Variants in CYRIA observed in about 807,000 individuals in gnomAD.
CYRIA encodes the protein CYFIP related Rac1 interactor A.
Under a neutral mutation model 43.9 loss-of-function variants are expected in CYRIA, and 15 were observed. The ratio of observed to expected loss-of-function variants is 0.34; its 90% confidence interval spans 0.23 to 0.53. The LOEUF is 0.53. CYRIA is among the 20% of genes least tolerant of loss of function. The probability of loss-of-function intolerance (pLI) is 0.94; values close to 1 mark genes in which losing one functional copy is unlikely to be tolerated. For synonymous variants in CYRIA, 117 were observed against 136.0 expected, an observed-to-expected ratio of 0.86 and a Z score of 0.97; for missense variants, 236 against 394.2, an observed-to-expected ratio of 0.60 and a Z score of 3.40.
intron 3 of CYRIA, among the ~76,000 whole-genome samples, chr2:16,584,955 C>A (rs1667673818): frequency 6.6e-6 from 1 of 152,114 alleles, no homozygotes; most frequent in Non-Finnish European, 1.5e-5. Flanking sequence ...TCTTGTAAGT[C>A]CTTTATTTAT....
chr2:16,659,842 T>A (rs908991753), intron 1 of CYRIA, among the ~76,000 whole-genome samples: 8 of 152,314 alleles, frequency 5.3e-5, no homozygotes, highest in Admixed American at 4.6e-4. Context: ...GAAGAGCACA[T>A]TGCAGTAACC....
chr2:16,586,989 T>C (rs1667750192), intron 3 of CYRIA, among the ~76,000 whole-genome samples: 1 of 152,116 alleles, frequency 6.6e-6, no homozygotes, highest in Admixed American at 6.6e-5. Context: ...TCATTCTCAT[T>C]TGTCAATATA....
chr2:16,645,602 G>C (rs1432993757), intron 1 of CYRIA, among the ~76,000 whole-genome samples: 1 of 152,188 alleles, frequency 6.6e-6, no homozygotes, highest in Non-Finnish European at 1.5e-5. Flanking sequence ...AAGGAGATGG[G>C]ATATTTCTAC....
At chr2:16,599,975 C>T (rs1668144303) in intron 2 of CYRIA, among the ~76,000 whole-genome samples, 1 of 152,170 alleles carries the variant, frequency 6.6e-6, no homozygotes, top group Non-Finnish European at 1.5e-5. Context: ...AGGATAGTCT[C>T]GAACTCCTGA....
intron 1 of CYRIA, among the ~76,000 whole-genome samples, chr2:16,626,431 C>T (rs147866505): frequency 4.4e-4 from 67 of 152,250 alleles, no homozygotes; most frequent in Middle Eastern, 6.8e-3. Flanking sequence ...AACACGGACC[C>T]CCACTCAGCT....
rs367622336 is a variant in CYRIA, at chr2:16,629,338, C to T, written c.-166-5319G>A. 4.6e-5 allele frequency among the ~76,000 whole-genome samples: 7 copies of T among 152,232 alleles called. No individual in the cohort carries two copies. The East Asian group carries it at 1.2e-3, about 25-fold the overall frequency. On this transcript the variant is annotated intron_variant, in intron 1 of 11. Coordinates refer to ENST00000381323, the MANE Select transcript of CYRIA (RefSeq NM_030797.4). ...GTGGGGAAGGAGGTGGTGTTTAAAG[C>T]TCGTTTTTGTTTTACTCTTTCCCTA...
chr2:16,582,968 A>G lies in CYRIA; in HGVS notation c.70+5082T>C, dbSNP rs778964808. Among the ~76,000 whole-genome samples the G allele has an allele frequency of 5.5e-4, 84 of 152,176 alleles. 3 individuals are homozygous for G. The highest frequency in any genetic ancestry group is 4.6e-4 in the Admixed American group (7 of 15,278). On this transcript the variant is annotated intron_variant, in intron 3 of 11. Transcript: ENST00000381323. ...TTCCAAAGCAGATGTACTATTTTAC[A>G]TTCCTACCAGTGGTGTATGATAATC...
At chr2:16,614,108 C>A (rs1386740494) in intron 2 of CYRIA, among the ~76,000 whole-genome samples, 1 of 152,178 alleles carries the variant, frequency 6.6e-6, no homozygotes, top group Non-Finnish European at 1.5e-5. Context: ...GTTTCTATAA[C>A]TCATTTAAAC....
intron 2 of CYRIA, among the ~76,000 whole-genome samples, chr2:16,617,239 C>G (rs543175287): frequency 6.6e-6 from 1 of 152,250 alleles, no homozygotes; most frequent in South Asian, 2.1e-4. Flanking sequence ...CAAGTGGGGT[C>G]CTTAGAGGAA....
chr2:16,555,217 C>T, intron 10 of CYRIA, 78 bp from the exon 11 acceptor site: 4 of 1,279,186 alleles, frequency 3.1e-6, no homozygotes, highest in South Asian at 1.2e-5. Flanking sequence ...ATAACATGTG[C>T]CCATAATGTC....
intron 1 of CYRIA, among the ~76,000 whole-genome samples, chr2:16,635,577 C>A (rs1438547814): frequency 6.6e-6 from 1 of 152,088 alleles, no homozygotes; most frequent in Non-Finnish European, 1.5e-5. Context: ...TGTGTGCATC[C>A]CCCCACAGTG....
At chr2:16,652,251 C>A (rs983387849) in intron 1 of CYRIA, among the ~76,000 whole-genome samples, 4 of 152,160 alleles carry the variant, frequency 2.6e-5, no homozygotes, top group Non-Finnish European at 5.9e-5. Flanking sequence ...TTACCTACCC[C>A]CCTCACACTC....
chr2:16,575,584 G>A lies in CYRIA; in HGVS notation c.71-9817C>T, dbSNP rs150512111. Among the ~76,000 whole-genome samples the A allele has an allele frequency of 4.8e-3, 735 of 152,124 alleles. 7 individuals are homozygous for A. Among genetic ancestry groups the A allele is most frequent in the African/African-American group, 0.016 (655 of 41,506 alleles). On this transcript the variant is annotated intron_variant, in intron 3 of 11. Coordinates refer to ENST00000381323, the MANE Select transcript of CYRIA (RefSeq NM_030797.4). The stretch of plus-strand genomic sequence containing the variant: ...TAAAGAGCAGTTCCCGGCCGGGCGC[G>A]GTGGCTCATGCTTGTAATCCCAGCA...
At chr2:16,605,163 C>A (rs1668354354) in intron 2 of CYRIA, among the ~76,000 whole-genome samples, 2 of 151,352 alleles carry the variant, frequency 1.3e-5, no homozygotes, top group East Asian at 1.9e-4. Flanking sequence ...TGGAATTGAA[C>A]AATTAAGTGC....
intron 3 of CYRIA, among the ~76,000 whole-genome samples, chr2:16,587,247 G>A (rs1369383395): frequency 2.6e-5 from 4 of 152,002 alleles, no homozygotes; most frequent in Admixed American, 2.6e-4. Flanking sequence ...AGCAATATTT[G>A]TTTTATATGA....
chr2:16,657,087 T>A (rs541768227), intron 1 of CYRIA, among the ~76,000 whole-genome samples: 7 of 152,306 alleles, frequency 4.6e-5, no homozygotes, highest in African/African-American at 1.4e-4. Context: ...CGTCCTAGCC[T>A]CCATGTCTTA....
intron 1 of CYRIA, among the ~76,000 whole-genome samples, chr2:16,631,068 T>A (rs766993087): frequency 6.6e-6 from 1 of 152,230 alleles, no homozygotes; most frequent in Non-Finnish European, 1.5e-5. Context: ...CTGTGTGACC[T>A]TTAGTCAGTC....
intron 2 of CYRIA, among the ~76,000 whole-genome samples, chr2:16,621,690 G>C (rs1323814848): frequency 1.3e-5 from 2 of 152,140 alleles, no homozygotes; most frequent in Non-Finnish European, 2.9e-5. Flanking sequence ...CTTCCTTCTA[G>C]CCTTGCTCCC....
chr2:16,651,191 T>TGACC (rs934124687), intron 1 of CYRIA, among the ~76,000 whole-genome samples: 28 of 152,300 alleles, frequency 1.8e-4, no homozygotes, highest in African/African-American at 6.5e-4. Flanking sequence ...TTTCCTACCC[T>TGACC]GACCCAAGCT....
Sources: allele counts gnomAD v4.1 joint callset (sites outside exome capture counted in the v4.1 genomes callset), GRCh38; gene constraint gnomAD v4.1.1; transcripts MANE v1.5; gene names NCBI Gene and HGNC (gene_info 2026-07-23, HGNC 2026-07-21).